The following ADAMTSL3 variants were observed in gnomAD, a reference collection of about 807,000 sequenced individuals.
ADAMTSL3 encodes the protein ADAMTS-like protein 3.
Under a neutral mutation model 201.7 loss-of-function variants are expected in ADAMTSL3, and 128 were observed. That is an observed-to-expected ratio of 0.63 (90% confidence interval 0.55 to 0.73). The LOEUF (loss-of-function observed/expected upper bound fraction) is 0.73, where lower values mean the gene tolerates loss of function less well. ADAMTSL3 is among the 30% of genes least tolerant of loss of function. ADAMTSL3 has a pLI of 0.00. For missense variants in ADAMTSL3, 1,990 were observed against 2,119.6 expected (o/e 0.94, Z 1.20); for synonymous variants, 738 against 748.4 (o/e 0.99, Z 0.23).
chr15:83,728,722 G>A (rs567359697), intron 3 of ADAMTSL3, among the ~76,000 whole-genome samples: 4 of 152,070 alleles, frequency 2.6e-5, no homozygotes, highest in Non-Finnish European at 2.9e-5. Flanking sequence ...CTGAAAAGTT[G>A]TAGTTATTAT....
Position 83,820,028 on chromosome 15 carries a change from G to A in ADAMTSL3, c.581G>A (p.Cys194Tyr), listed in dbSNP as rs1453289795. The change falls in exon 6 of 30, where the codon TGT (cysteine) becomes TAT (tyrosine). Residue 194 changes from cysteine to tyrosine, a missense_variant. Transcript: ENST00000286744. ...TGCAACACGGACTCCTTGGACATGT[G>A]TATCAGTGGCATCTGTCAGGTAAGC... ...TRCNTDSLDMCISGICQAVGC... is the reference protein window; with the variant it reads ...TRCNTDSLDMYISGICQAVGC... 6.2e-7 allele frequency: 1 copy of A among 1,613,986 alleles called. No homozygotes were observed. Among genetic ancestry groups the A allele is most frequent in the African/African-American group, 1.3e-5 (1 of 74,902 alleles).
chr15:83,961,113 C>A (rs1463903802), intron 19 of ADAMTSL3, among the ~76,000 whole-genome samples: 1 of 151,938 alleles, frequency 6.6e-6, no homozygotes, highest in Non-Finnish European at 1.5e-5. Flanking sequence ...GGAAAGACAA[C>A]TGCAACAGTC....
At chr15:83,915,441 C>T (rs1333082259) in intron 16 of ADAMTSL3, among the ~76,000 whole-genome samples, 9 of 151,998 alleles carry the variant, frequency 5.9e-5, no homozygotes, top group Non-Finnish European at 2.9e-5. Context: ...TCAGTACCCA[C>T]TGAGATGGCC....
At chr15:83,782,721 G>A (rs1475422301) in intron 4 of ADAMTSL3, among the ~76,000 whole-genome samples, 2 of 151,998 alleles carry the variant, frequency 1.3e-5, no homozygotes, top group African/African-American at 4.8e-5. Context: ...GGGACATATT[G>A]GAGGGTGGAA....
In ADAMTSL3 at chr15:84,025,426, C is replaced by A; in HGVS notation, c.4646C>A (p.Pro1549Gln). Reference sequence around the variant, plus strand: ...GGTCATCCATGTGTTCAGTGGGAACCAGGGAACCGGGTAAAGCTAACACAT... The same window carrying A: ...GGTCATCCATGTGTTCAGTGGGAACAAGGGAACCGGGTAAAGCTAACACAT... ...CFGHPCVQWEPGNRCPGRCMG... is the reference protein window; with the variant it reads ...CFGHPCVQWEQGNRCPGRCMG... The change falls in exon 27 of 30, where the codon CCA becomes CAA. Residue 1549 changes from proline to glutamine, a missense_variant. Transcript: ENST00000286744. 6.2e-7 allele frequency: 1 copy of A among 1,613,844 alleles called. No homozygotes were observed. The highest frequency in any genetic ancestry group is 8.5e-7 in the Non-Finnish European group (1 of 1,179,914).
intron 4 of ADAMTSL3, among the ~76,000 whole-genome samples, chr15:83,791,505 G>A (rs1345280120): frequency 7.9e-5 from 12 of 152,046 alleles, no homozygotes; most frequent in Admixed American, 2.0e-4. Context: ...TTCAATAAAT[G>A]GTGTTGGGAA....
chr15:83,861,207 T>C (rs2064850169), intron 8 of ADAMTSL3, among the ~76,000 whole-genome samples: 1 of 152,166 alleles, frequency 6.6e-6, no homozygotes, highest in African/African-American at 2.4e-5. Context: ...ACTCCACTTC[T>C]GGGGGCAGGG....
At chr15:83,821,589 C>T (rs56003410) in intron 6 of ADAMTSL3, among the ~76,000 whole-genome samples, 15,557 of 150,680 alleles carry the variant, frequency 0.1, 906 homozygotes, top group East Asian at 0.31. Context: ...GATCCCAAGG[C>T]AGAAGAATTT....
intron 15 of ADAMTSL3, among the ~76,000 whole-genome samples, chr15:83,906,183 T>C (rs2065828832): frequency 6.6e-6 from 1 of 152,310 alleles, no homozygotes; most frequent in South Asian, 2.1e-4. Flanking sequence ...TACTCTGTAA[T>C]TGTTATTCCT....
At position 83,891,351 on chromosome 15, in the gene ADAMTSL3, C is replaced by T. The variant is rs1468282818; in HGVS notation, c.1234C>T (p.Pro412Ser). The part of the protein sequence containing the change: ...PSSDGFKEIM[P>S]YDHFQPLPRW... ...TAGTGATGGATTTAAAGAGATAATG[C>T]CCTATGACCACTTCCAACCTCTTCC... Residue 412 changes from proline (P) to serine (S), a missense_variant, in exon 12 of 30, where the codon CCC (proline) becomes TCC (serine). By Grantham distance (74) the Pro-to-Ser change is moderately conservative. Coordinates refer to ENST00000286744, the MANE Select transcript of ADAMTSL3 (RefSeq NM_207517.3). 1 of 1,612,510 alleles carries T rather than the reference C, an allele frequency of 6.2e-7. No homozygotes were observed. Among genetic ancestry groups the T allele is most frequent in the East Asian group, 2.2e-5 (1 of 44,796 alleles).
At chr15:83,921,029 T>C (rs2066133200) in intron 16 of ADAMTSL3, among the ~76,000 whole-genome samples, 1 of 152,200 alleles carries the variant, frequency 6.6e-6, no homozygotes, top group African/African-American at 2.4e-5. Context: ...ACTATCCATT[T>C]CATGAGGATA....
chr15:83,674,788 T>TA (rs530735435), intron 2 of ADAMTSL3, among the ~76,000 whole-genome samples: 1 of 138,822 alleles, frequency 7.2e-6, no homozygotes, highest in Non-Finnish European at 1.6e-5. Flanking sequence ...TATATATATA[T>TA]AAATCTTGCT....
chr15:83,897,377 G>C (rs778505610), intron 13 of ADAMTSL3, among the ~76,000 whole-genome samples: 1 of 152,016 alleles, frequency 6.6e-6, no homozygotes, highest in African/African-American at 2.4e-5. Flanking sequence ...TGATGGCCTC[G>C]TTATATGGTA....
chr15:83,993,171 A>C (rs2067615632), intron 23 of ADAMTSL3, among the ~76,000 whole-genome samples: 1 of 152,232 alleles, frequency 6.6e-6, no homozygotes, highest in East Asian at 1.9e-4. Context: ...AGGGAAATTC[A>C]TCTTTTTTAA....
intron 3 of ADAMTSL3, among the ~76,000 whole-genome samples, chr15:83,750,728 T>C (rs1239190832): frequency 3.9e-5 from 6 of 152,282 alleles, no homozygotes; most frequent in African/African-American, 1.4e-4. Flanking sequence ...ATTTTTGTAT[T>C]TTTAGTAGAG....
rs1657643106 is a variant in ADAMTSL3, at chr15:84,033,756, C to T, written c.4754+2324C>T. Among the ~76,000 whole-genome samples the T allele has an allele frequency of 2.6e-5, 4 of 152,168 alleles. No individual in the cohort carries two copies. The South Asian group carries it at 8.3e-4, about 32-fold the overall frequency. On this transcript the variant is annotated intron_variant, in intron 28 of 29. Coordinates refer to ENST00000286744, the MANE Select transcript of ADAMTSL3 (RefSeq NM_207517.3). ...CTCATGCTGTCTCACTCTTCATGTT[C>T]CAGCCACACTGTCCTTCTGTCAGTT...
At chr15:83,747,680 C>T (rs1269775724) in intron 3 of ADAMTSL3, among the ~76,000 whole-genome samples, 1 of 152,090 alleles carries the variant, frequency 6.6e-6, no homozygotes, top group African/African-American at 2.4e-5. Flanking sequence ...CCTAACTGTT[C>T]ATCATAGGTC....
chr15:83,930,353 T>A (rs1403232455), intron 17 of ADAMTSL3, among the ~76,000 whole-genome samples: 3 of 152,214 alleles, frequency 2.0e-5, no homozygotes, highest in African/African-American at 7.2e-5. Context: ...GTTTTAGTTC[T>A]AAGGATGACA....
chr15:83,661,110 C>G (rs2061156511), intron 2 of ADAMTSL3, among the ~76,000 whole-genome samples: 1 of 148,532 alleles, frequency 6.7e-6, no homozygotes, highest in Non-Finnish European at 1.5e-5. Context: ...GGCGTTATTT[C>G]TGAGGGCTCT....
Sources: gnomAD v4.1 joint callset for allele counts (sites outside exome capture counted in the v4.1 genomes callset) on GRCh38, gnomAD v4.1.1 for gene constraint, MANE v1.5 for transcripts, NCBI Gene and HGNC (gene_info 2026-07-23, HGNC 2026-07-21) for gene names.